ZMAT4: variants seen among roughly 807,000 people sequenced by gnomAD.
ZMAT4 encodes zinc finger matrin-type protein 4.
Under a neutral mutation model 28.7 loss-of-function variants are expected in ZMAT4, and 17 were observed. That is an observed-to-expected ratio of 0.59 (90% CI 0.41 to 0.89). ZMAT4 has a LOEUF of 0.89. ZMAT4 is among the 40% of genes least tolerant of loss of function. The pLI is 0.00. For missense variants in ZMAT4, 240 were observed against 283.8 expected, an observed-to-expected ratio of 0.85 and a Z score of 1.11; for synonymous variants, 117 against 109.2, an observed-to-expected ratio of 1.07 and a Z score of -0.44.
intron 5 of ZMAT4, among the ~76,000 whole-genome samples, chr8:40,652,659 G>A (rs1397371132): frequency 3.5e-5 from 4 of 114,214 alleles, no homozygotes; most frequent in Admixed American, 9.5e-5. Context: ...CATTATTCAT[G>A]ATAGCAAAGA....
At chr8:40,578,542 A>G (rs1258290968) in intron 6 of ZMAT4, among the ~76,000 whole-genome samples, 1 of 152,176 alleles carries the variant, frequency 6.6e-6, no homozygotes, top group Non-Finnish European at 1.5e-5. Context: ...CTAAAAAAAA[A>G]TTGATTTTTA....
intron 1 of ZMAT4, among the ~76,000 whole-genome samples, chr8:40,878,093 T>C (rs938875230): frequency 2.0e-5 from 3 of 152,120 alleles, no homozygotes; most frequent in Non-Finnish European, 4.4e-5. Context: ...AGCTCTACAA[T>C]GAATGAATGA....
At chr8:40,847,209 A>C (rs530344157) in intron 1 of ZMAT4, among the ~76,000 whole-genome samples, 24 of 125,354 alleles carry the variant, frequency 1.9e-4, no homozygotes, top group African/African-American at 7.2e-4. Context: ...ATCTAAAAAA[A>C]CAAACAAACA....
chr8:40,541,099 T>A (rs1453480574), intron 6 of ZMAT4, among the ~76,000 whole-genome samples: 6 of 152,182 alleles, frequency 3.9e-5, no homozygotes, highest in Non-Finnish European at 8.8e-5. Context: ...GAAGATTAAA[T>A]GAATTAATAT....
chr8:40,558,863 G>A (rs1258627436), intron 6 of ZMAT4, among the ~76,000 whole-genome samples: 2 of 151,928 alleles, frequency 1.3e-5, no homozygotes, highest in African/African-American at 2.4e-5. Context: ...TTTTAGACAC[G>A]ACAGCCAACC....
At chr8:40,893,013 G>A (rs1288268911) in intron 1 of ZMAT4, among the ~76,000 whole-genome samples, 1 of 152,158 alleles carries the variant, frequency 6.6e-6, no homozygotes, top group Non-Finnish European at 1.5e-5. Context: ...CTTGCTGATG[G>A]AAAATTCTTC....
chr8:40,826,697 T>C (rs1344258346), intron 1 of ZMAT4, among the ~76,000 whole-genome samples: 1 of 152,130 alleles, frequency 6.6e-6, no homozygotes, highest in Admixed American at 6.5e-5. Flanking sequence ...GGTGGTTGAA[T>C]TCATAAAGGC....
chr8:40,589,762 T>TTCTTTCTTTC (rs139887440), intron 5 of ZMAT4, among the ~76,000 whole-genome samples: 3 of 33,434 alleles, frequency 9.0e-5, no homozygotes, highest in African/African-American at 8.4e-5. Flanking sequence ...CTTTCTTTCT[T>TTCTTTCTTTC]TTTCTTTCTT....
At chr8:40,875,643 G>C (rs1026116321) in intron 1 of ZMAT4, among the ~76,000 whole-genome samples, 2 of 152,158 alleles carry the variant, frequency 1.3e-5, no homozygotes, top group Admixed American at 1.3e-4. Flanking sequence ...TGAACTGACA[G>C]AGTCAGCGCT....
chr8:40,532,656 CGTT>C (rs1250237501), intron 6 of ZMAT4, among the ~76,000 whole-genome samples: 2 of 151,484 alleles, frequency 1.3e-5, no homozygotes, highest in African/African-American at 4.9e-5. Context: ...ATATAAGCCT[CGTT>C]GTCCACTCAT....
At chr8:40,855,509 G>A (rs1319655893) in intron 1 of ZMAT4, among the ~76,000 whole-genome samples, 2 of 152,098 alleles carry the variant, frequency 1.3e-5, no homozygotes, top group Non-Finnish European at 2.9e-5. Context: ...GGTAGCCAAT[G>A]CCCCTGGATC....
chr8:40,858,894 G>A (rs2150642576), intron 1 of ZMAT4, among the ~76,000 whole-genome samples: 1 of 152,234 alleles, frequency 6.6e-6, no homozygotes, highest in South Asian at 2.1e-4. Flanking sequence ...GGAGACAAAA[G>A]GGGACCCTGC....
intron 2 of ZMAT4, among the ~76,000 whole-genome samples, chr8:40,816,010 T>C (rs1355020509): frequency 6.6e-6 from 1 of 152,030 alleles, no homozygotes; most frequent in East Asian, 1.9e-4. Flanking sequence ...GCATCCCCAG[T>C]GCAGGTCCTA....
At chr8:40,742,777 AC>A (rs773751424) in intron 3 of ZMAT4, among the ~76,000 whole-genome samples, 15,110 of 147,584 alleles carry the variant, frequency 0.1, 786 homozygotes, top group East Asian at 0.15. Context: ...ACACACACAC[AC>A]ACACACACAC....
chr8:40,829,773 T>C (rs1012588632), intron 1 of ZMAT4, among the ~76,000 whole-genome samples: 46 of 152,314 alleles, frequency 3.0e-4, no homozygotes, highest in Middle Eastern at 3.4e-3. Context: ...AAAGTTCTAC[T>C]AGGGTTGAAA....
chr8:40,858,539 G>C (rs1484461535), intron 1 of ZMAT4, among the ~76,000 whole-genome samples: 3 of 152,286 alleles, frequency 2.0e-5, no homozygotes, highest in African/African-American at 7.2e-5. Flanking sequence ...GTGCTACACT[G>C]GCTGAGAAGA....
chr8:40,814,412 A>C (rs1815451672), intron 2 of ZMAT4, among the ~76,000 whole-genome samples: 2 of 152,230 alleles, frequency 1.3e-5, no homozygotes. Flanking sequence ...GGAATAGAAA[A>C]GCTGAAAGAA....
In ZMAT4 at chr8:40,672,817, C is replaced by T. The variant is rs1191282946; in HGVS notation, c.577+1887G>A. Among the ~76,000 whole-genome samples the T allele has an allele frequency of 2.6e-5, 4 of 152,132 alleles. No homozygotes were observed. The East Asian group carries it at 7.7e-4, about 29-fold the overall frequency. Reference sequence around the variant, plus strand: ...GCCTTCAGCTATGGAGAGATCCTGCCTATTTTCTTTAACAAGACATAGACT... The same window carrying T: ...GCCTTCAGCTATGGAGAGATCCTGCTTATTTTCTTTAACAAGACATAGACT... On this transcript the variant is annotated intron_variant, in intron 5 of 6. Transcript: ENST00000297737.
intron 1 of ZMAT4, among the ~76,000 whole-genome samples, chr8:40,863,550 G>T (rs1340227231): frequency 1.3e-5 from 2 of 152,298 alleles, no homozygotes; most frequent in African/African-American, 4.8e-5. Flanking sequence ...GCTGTGAGAA[G>T]AGCTGTAGAT....
Sources: gnomAD v4.1 joint callset for allele counts (sites outside exome capture counted in the v4.1 genomes callset) on GRCh38, gnomAD v4.1.1 for gene constraint, MANE v1.5 for transcripts, NCBI Gene and HGNC (gene_info 2026-07-23, HGNC 2026-07-21) for gene names.